The following IKZF3 variants were observed in gnomAD, a reference collection of about 807,000 sequenced individuals.
IKZF3 encodes IKAROS family zinc finger 3.
A neutral mutation model predicts 49.0 loss-of-function variants in IKZF3; 10 were observed. The observed-to-expected ratio is 0.20, with a 90% CI of 0.13 to 0.35. The LOEUF is 0.35. Among genes scored for constraint, IKZF3 ranks in the 10% least tolerant of loss-of-function variants. IKZF3 has a pLI of 1.00. For synonymous variants in IKZF3, 209 were observed against 228.2 expected, an observed-to-expected ratio of 0.92 and a Z score of 0.76; for missense variants, 498 against 664.8, an observed-to-expected ratio of 0.75 and a Z score of 2.76.
At chr17:39,846,907 T>C (rs1341972090) in intron 1 of IKZF3, among the ~76,000 whole-genome samples, 1 of 152,026 alleles carries the variant, frequency 6.6e-6, no homozygotes, top group Non-Finnish European at 1.5e-5. Flanking sequence ...GAATCCTGTA[T>C]TGAGTTTGCC....
intron 1 of IKZF3, among the ~76,000 whole-genome samples, chr17:39,847,784 A>G (rs2062677553): frequency 6.6e-6 from 1 of 152,198 alleles, no homozygotes; most frequent in Admixed American, 6.5e-5. Flanking sequence ...GATACAAATA[A>G]TGACAAAAAA....
chr17:39,857,931 C>T (rs2063109381), intron 1 of IKZF3, among the ~76,000 whole-genome samples: 1 of 149,040 alleles, frequency 6.7e-6, no homozygotes, highest in African/African-American at 2.5e-5. Flanking sequence ...TGAGACCAGC[C>T]TGCAATGTAG....
At chr17:39,853,064 GA>G (rs1443240470) in intron 1 of IKZF3, among the ~76,000 whole-genome samples, 7 of 152,124 alleles carry the variant, frequency 4.6e-5, no homozygotes, top group African/African-American at 1.7e-4. Flanking sequence ...AGAGGTCCCT[GA>G]CCCTGCCTCC....
At chr17:39,855,631 G>A (rs1481222059) in intron 1 of IKZF3, among the ~76,000 whole-genome samples, 1 of 152,140 alleles carries the variant, frequency 6.6e-6, no homozygotes. Flanking sequence ...TTACTTGTTT[G>A]TGCATTCTGG....
At chr17:39,769,289 G>A (rs757862525) in intron 7 of IKZF3, among the ~76,000 whole-genome samples, 5 of 152,296 alleles carry the variant, frequency 3.3e-5, no homozygotes, top group Admixed American at 2.0e-4. Context: ...GTGTAAGGCA[G>A]ACCAGAACAG....
At chr17:39,850,985 T>C (rs193004755) in intron 1 of IKZF3, among the ~76,000 whole-genome samples, 66 of 143,218 alleles carry the variant, frequency 4.6e-4, no homozygotes, top group East Asian at 3.6e-3. Flanking sequence ...ATATTATATA[T>C]GTGTATATTA....
rs112117717 is a variant in IKZF3, at chr17:39,824,687, T to C, written c.163+4700A>G. Among the ~76,000 whole-genome samples, 958 of 151,564 alleles carry C rather than the reference T, an allele frequency of 6.3e-3. 10 individuals are homozygous for C. The highest frequency in any genetic ancestry group is 0.021 in the African/African-American group (884 of 41,352). On this transcript the variant is annotated intron_variant, in intron 3 of 7. Coordinates refer to ENST00000346872, the MANE Select transcript of IKZF3 (RefSeq NM_012481.5). ...ATAGTGAGTGAGTTCTCATAAGATC[T>C]GATGGCTTTTTTTTTTTTTTCCTTT...
At position 39,864,141 on chromosome 17, in the gene IKZF3, G is replaced by C; in HGVS notation, c.-15C>G. On this transcript the variant is annotated 5_prime_UTR_variant, in exon 1 of 8. Transcript: ENST00000346872. ...TCACCTTCCATGTCGCTGCCGGGCC[G>C]GGCTGGAGCTGCCGCTGTGGCTACT... 1 of 1,612,088 alleles carries C rather than the reference G, an allele frequency of 6.2e-7. No homozygotes were observed. Among genetic ancestry groups the C allele is most frequent in the Non-Finnish European group, 8.5e-7 (1 of 1,179,252 alleles).
intron 7 of IKZF3, among the ~76,000 whole-genome samples, chr17:39,775,779 C>A (rs1458717738): frequency 6.6e-6 from 1 of 152,068 alleles, no homozygotes; most frequent in African/African-American, 2.4e-5. Context: ...ACAAAATTAG[C>A]CAGGCATGGT....
chr17:39,826,698 A>G (rs1210742741), intron 3 of IKZF3, among the ~76,000 whole-genome samples: 2 of 152,246 alleles, frequency 1.3e-5, no homozygotes, highest in Non-Finnish European at 2.9e-5. Context: ...GAAGCTGATC[A>G]GAACCAATTA....
chr17:39,860,067 T>C (rs1402850977), intron 1 of IKZF3, among the ~76,000 whole-genome samples: 5 of 152,078 alleles, frequency 3.3e-5, no homozygotes, highest in Admixed American at 1.3e-4. Context: ...CCCCCATTTC[T>C]ACAAAAAATG....
rs181215802 is a variant in IKZF3, at chr17:39,830,695, C to T, written c.62-1207G>A. Among the ~76,000 whole-genome samples the T allele has an allele frequency of 1.1e-4, 16 of 152,282 alleles. No homozygotes were observed. In the East Asian group the frequency reaches 3.1e-3, roughly 29 times the overall value. ...TTACCCTCTTTTTATCTAACTCCTT[C>T]CCAATCTTCAATAAAATATTTGCTG... On this transcript the variant is annotated intron_variant, in intron 2 of 7. Transcript: ENST00000346872.
chr17:39,779,675 G>A lies in IKZF3; in HGVS notation c.710-1908C>T, dbSNP rs192391358. On this transcript the variant is annotated intron_variant, in intron 6 of 7. Transcript: ENST00000346872. ...TTTGTTTTTTTTTTTTCTGTTCCAC[G>A]GCCTTTTAAAAACGTAAAAATCCCT... is the stretch of plus-strand genomic sequence containing the variant. 4.1e-3 allele frequency among the ~76,000 whole-genome samples: 512 copies of A among 123,664 alleles called. 5 individuals carry two copies. Among genetic ancestry groups the A allele is most frequent in the African/African-American group, 0.014 (471 of 32,822 alleles). 81.1% of individuals were successfully genotyped at this position (123,664 alleles called of 152,430 possible).
At chr17:39,799,496 A>G (rs528299828) in intron 3 of IKZF3, among the ~76,000 whole-genome samples, 313 of 152,284 alleles carry the variant, frequency 2.1e-3, no homozygotes, top group Non-Finnish European at 3.4e-3. Context: ...GTCTTCTTGA[A>G]TCACCTTTCT....
At chr17:39,779,670 T>TTCC (rs2060684436) in intron 6 of IKZF3, among the ~76,000 whole-genome samples, 1 of 150,466 alleles carries the variant, frequency 6.6e-6, no homozygotes, top group Non-Finnish European at 1.5e-5. Flanking sequence ...TTTTTTCTGT[T>TTCC]CCACGGCCTT....
chr17:39,838,054 C>A (rs2062353979), intron 1 of IKZF3, among the ~76,000 whole-genome samples: 1 of 152,176 alleles, frequency 6.6e-6, no homozygotes, highest in Non-Finnish European at 1.5e-5. Context: ...TTACTTTTGG[C>A]TTTCAGCAGT....
rs2060223171 is a variant in IKZF3, at chr17:39,763,458, G to A, written c.*2332C>T. ...AGGCTCCATGAAGTTGTCCCTGGAA[G>A]CAGAATTTATTTTCCCTAACATAAT... On this transcript the variant is annotated 3_prime_UTR_variant, in exon 8 of 8. Coordinates refer to ENST00000346872, the MANE Select transcript of IKZF3 (RefSeq NM_012481.5). 2.6e-5 allele frequency: 4 copies of A among 151,988 alleles called. No individual in the cohort carries two copies. The highest frequency in any genetic ancestry group is 1.3e-4 in the Admixed American group (2 of 15,266). 9.4% of individuals were successfully genotyped at this position (151,988 alleles called of 1,614,324 possible).
chr17:39,798,789 G>A (rs1460032938), intron 3 of IKZF3, among the ~76,000 whole-genome samples: 1 of 152,122 alleles, frequency 6.6e-6, no homozygotes, highest in Non-Finnish European at 1.5e-5. Flanking sequence ...ACAGGCATGA[G>A]CCACTGCGCC....
chr17:39,818,468 A>T (rs1388018925), intron 3 of IKZF3, among the ~76,000 whole-genome samples: 2 of 152,226 alleles, frequency 1.3e-5, no homozygotes, highest in Non-Finnish European at 2.9e-5. Flanking sequence ...TTGACCATGG[A>T]ACTGAAACTG....
Sources: gnomAD v4.1 joint callset for allele counts (sites outside exome capture counted in the v4.1 genomes callset) on GRCh38, gnomAD v4.1.1 for gene constraint, MANE v1.5 for transcripts, NCBI Gene and HGNC (gene_info 2026-07-23, HGNC 2026-07-21) for gene names.